The following DYNC2I1 variants were observed in gnomAD, a reference collection of about 807,000 sequenced individuals.
DYNC2I1 encodes the protein dynein 2 intermediate chain 1, also known as cytoplasmic dynein 2 intermediate chain 1.
In DYNC2I1, 89 loss-of-function variants were observed where a neutral mutation model predicts 133.4. The observed-to-expected ratio is 0.67, with a 90% confidence interval of 0.56 to 0.80. The LOEUF (loss-of-function observed/expected upper bound fraction) is 0.80, where lower values mean the gene tolerates loss of function less well. DYNC2I1 is among the 30% of genes least tolerant of loss of function. The probability of loss-of-function intolerance (pLI) is 0.00; values close to 1 mark genes in which losing one functional copy is unlikely to be tolerated. For synonymous variants in DYNC2I1, 504 were observed against 484.3 expected (o/e 1.04, Z -0.54); for missense variants, 1,291 against 1,314.5 (o/e 0.98, Z 0.28).
rs575841837 is a variant in DYNC2I1 at position 158,915,314 on chromosome 7, C to T, written c.1791+993C>T. Reference sequence around the variant, plus strand: ...TAAGGATGATTGTGAAACCTGGACACGCTGGTTGACATTAAGGATGATTGT... The same window carrying T: ...TAAGGATGATTGTGAAACCTGGACATGCTGGTTGACATTAAGGATGATTGT... On this transcript the variant is annotated intron_variant, in intron 14 of 24. Transcript: ENST00000407559. Among the ~76,000 whole-genome samples, 235 of 140,752 alleles carry T rather than the reference C, an allele frequency of 1.7e-3. 1 individual carries two copies. The highest frequency in any genetic ancestry group is 0.013 in the Middle Eastern group (3 of 240). The allele number at this position is 140,752 out of a possible 152,430, so 92.3% of individuals were successfully genotyped here. A position where few individuals can be genotyped will look rare whatever the true frequency, so the allele number is the denominator to read the frequency against.
chr7:158,854,612 G>A (rs1011241275), upstream of DYNC2I1, among the ~76,000 whole-genome samples: 1 of 152,076 alleles, frequency 6.6e-6, no homozygotes, highest in African/African-American at 2.4e-5. Context: ...TGCACGTTCT[G>A]CACATGTACC....
chr7:158,858,196 T>A (rs1416724665), intron 1 of DYNC2I1, among the ~76,000 whole-genome samples: 3 of 152,242 alleles, frequency 2.0e-5, no homozygotes, highest in Non-Finnish European at 2.9e-5. Flanking sequence ...CCCTGTCATC[T>A]TCTATGCTAT....
intron 14 of DYNC2I1, among the ~76,000 whole-genome samples, chr7:158,917,066 A>G (rs1848434847): frequency 2.5e-5 from 3 of 122,116 alleles, no homozygotes; most frequent in Non-Finnish European, 5.3e-5. Context: ...GCTGGTTGAC[A>G]TTAAGGATGA....
chr7:158,943,927 A>G (rs116225636), intron 24 of DYNC2I1, among the ~76,000 whole-genome samples: 7 of 152,244 alleles, frequency 4.6e-5, no homozygotes, highest in South Asian at 2.1e-4. Flanking sequence ...ACGTTCCTCT[A>G]CTTCTACTTC....
chr7:158,849,294 A>T, the DYNC2I1 span, among the ~76,000 whole-genome samples: 1 of 152,260 alleles, frequency 6.6e-6, no homozygotes, highest in East Asian at 1.9e-4. Flanking sequence ...CCTAAATGTC[A>T]TATGAAAATA....
chr7:158,860,943 G>T (rs539892611), intron 1 of DYNC2I1, among the ~76,000 whole-genome samples: 1 of 152,160 alleles, frequency 6.6e-6, no homozygotes, highest in Non-Finnish European at 1.5e-5. Context: ...CGCTTGTGGG[G>T]TTCCTCCAGA....
At position 158,945,104 on chromosome 7, in the gene DYNC2I1, G is replaced by GC. The variant is rs1270581684; in HGVS notation, c.3003-476dup. Among the ~76,000 whole-genome samples, 1 of 152,170 alleles carries GC rather than the reference G, an allele frequency of 6.6e-6. No individual in the cohort carries two copies. Among genetic ancestry groups the GC allele is most frequent in the Non-Finnish European group, 1.5e-5 (1 of 68,010 alleles). On this transcript the variant is annotated intron_variant, in intron 24 of 24. Transcript: ENST00000407559. The surrounding 1 kb of genome is among the most constrained non-coding windows in gnomAD (Gnocchi z 4.1). ...AGGGTGGCCACAGGTCTCGTGTTGG[G>GC]CACTGGGTGGATGATGGAGGTGCTG...
chr7:158,911,725 C>G, intron 12 of DYNC2I1, 46 bp downstream of exon 12: 1 of 1,563,948 alleles, frequency 6.4e-7, no homozygotes, highest in Non-Finnish European at 8.7e-7. Flanking sequence ...CAAGTAAAGT[C>G]TAGTAGGATA....
Position 158,894,260 on chromosome 7 carries a change from T to C in DYNC2I1, c.1059+2927T>C, listed in dbSNP as rs1585065418. Among the ~76,000 whole-genome samples the C allele has an allele frequency of 2.0e-5, 3 of 152,228 alleles. No homozygotes were observed. The Middle Eastern group carries it at 0.01, about 518-fold the overall frequency. On this transcript the variant is annotated intron_variant, in intron 8 of 24. Transcript: ENST00000407559. Reference sequence around the variant, plus strand: ...GTACTGCATGTCACACCATATATCATGGCGCATATCCTACCACATGTCCTA... The same window carrying C: ...GTACTGCATGTCACACCATATATCACGGCGCATATCCTACCACATGTCCTA...
In DYNC2I1 at chr7:158,936,917, A is replaced by C. The variant is rs1260035914; in HGVS notation, c.2778+2368A>C. Among the ~76,000 whole-genome samples the C allele has an allele frequency of 2.0e-5, 3 of 152,216 alleles. No individual in the cohort carries two copies. The East Asian group carries it at 5.8e-4, about 29-fold the overall frequency. ...GATTTGCTAAGTAAATATATTCAAT[A>C]AAAACCAAAACAAGCTGGACAGAGA... is the stretch of plus-strand genomic sequence containing the variant. On this transcript the variant is annotated intron_variant, in intron 23 of 24. Coordinates refer to ENST00000407559, the MANE Select transcript of DYNC2I1 (RefSeq NM_018051.5).
intron 5 of DYNC2I1, among the ~76,000 whole-genome samples, chr7:158,882,205 C>T (rs1039789459): frequency 6.6e-6 from 1 of 152,142 alleles, no homozygotes; most frequent in Non-Finnish European, 1.5e-5. Context: ...GAGGATACAG[C>T]TGTGAACAAA....
At chr7:158,943,973 C>G (rs1413446479) in intron 24 of DYNC2I1, among the ~76,000 whole-genome samples, 1 of 152,206 alleles carries the variant, frequency 6.6e-6, no homozygotes, top group Non-Finnish European at 1.5e-5. Flanking sequence ...AGGTGGCGCT[C>G]TCTCCTCCTG....
At chr7:158,902,333 C>A in intron 9 of DYNC2I1, 43 bp from the exon 10 acceptor site, 1 of 1,544,514 alleles carries the variant, frequency 6.5e-7, no homozygotes. Context: ...AATTGAAAGT[C>A]AGTTTGTCTT....
chr7:158,840,350 G>A, the DYNC2I1 span, among the ~76,000 whole-genome samples: 704 of 152,300 alleles, frequency 4.6e-3, 43 homozygotes, highest in East Asian at 0.12. Flanking sequence ...TGGATCCGTC[G>A]AAGTCGGGAG....
At chr7:158,888,250 C>G (rs1268407617) in intron 7 of DYNC2I1, among the ~76,000 whole-genome samples, 1 of 151,992 alleles carries the variant, frequency 6.6e-6, no homozygotes, top group East Asian at 1.9e-4. Context: ...GTCTGGAACT[C>G]CTGACCACAT....
At chr7:158,848,135 A>AGGTTATTCCC in the DYNC2I1 span, among the ~76,000 whole-genome samples, 1 of 152,200 alleles carries the variant, frequency 6.6e-6, no homozygotes, top group South Asian at 2.1e-4. Context: ...ATTGCACAAG[A>AGGTTATTCCC]GGTTATTCCC....
intron 19 of DYNC2I1, 148 bp downstream of exon 19, chr7:158,926,611 G>C: frequency 2.3e-6 from 2 of 873,110 alleles, no homozygotes; most frequent in Non-Finnish European, 3.5e-6. Flanking sequence ...TGAGCAGAAG[G>C]GATGCAGAAG....
At chr7:158,905,616 G>GT (rs374990281) in intron 10 of DYNC2I1, among the ~76,000 whole-genome samples, 2 of 152,100 alleles carry the variant, frequency 1.3e-5, no homozygotes, top group African/African-American at 2.4e-5. Context: ...ACTTGTTTCT[G>GT]TTTTTTAGCA....
chr7:158,891,202 C>A (rs536201852), intron 7 of DYNC2I1, 63 bp from the exon 8 acceptor site: 22 of 1,578,952 alleles, frequency 1.4e-5, no homozygotes, highest in Non-Finnish European at 1.7e-5. Flanking sequence ...GGGGGAGCTG[C>A]GTGGCGTGTG....
Sources: gnomAD v4.1 joint callset for allele counts (sites outside exome capture counted in the v4.1 genomes callset) on GRCh38, gnomAD v4.1.1 for gene constraint, Gnocchi (gnomAD v3.1) non-coding constraint, MANE v1.5 for transcripts, NCBI Gene and HGNC (gene_info 2026-07-23, HGNC 2026-07-21) for gene names.